Variants in INSR observed in about 807,000 individuals in gnomAD.
INSR encodes IR.
Under a neutral mutation model 142.6 loss-of-function variants are expected in INSR, and 67 were observed. That is an observed-to-expected ratio of 0.47 (90% confidence interval 0.39 to 0.58). The LOEUF (loss-of-function observed/expected upper bound fraction) is 0.58. Among genes scored for constraint, INSR ranks in the 20% least tolerant of loss-of-function variants. The pLI is 0.00. For synonymous variants in INSR, 756 were observed against 743.1 expected (o/e 1.02, Z -0.28); for missense variants, 1,248 against 1,833.2 (o/e 0.68, Z 5.83).
At chr19:7,207,061 T>C (rs1015988468) in intron 2 of INSR, among the ~76,000 whole-genome samples, 1 of 152,158 alleles carries the variant, frequency 6.6e-6, no homozygotes, top group Non-Finnish European at 1.5e-5. Context: ...CCTGTGATTA[T>C]AGAATGCCGA....
chr19:7,226,882 C>T (rs1042273241), intron 2 of INSR, among the ~76,000 whole-genome samples: 21 of 152,162 alleles, frequency 1.4e-4, no homozygotes, highest in Non-Finnish European at 2.4e-4. Context: ...TGCCCTCCTC[C>T]TCCTGCCAAT....
chr19:7,260,833 A>G (rs191721389), intron 2 of INSR, among the ~76,000 whole-genome samples: 43 of 151,780 alleles, frequency 2.8e-4, no homozygotes, highest in South Asian at 6.3e-4. Context: ...TGACCAGTCA[A>G]TGGTAAAACG....
intron 14 of INSR, among the ~76,000 whole-genome samples, chr19:7,129,764 G>T (rs1307189276): frequency 1.3e-5 from 2 of 151,986 alleles, no homozygotes; most frequent in African/African-American, 4.8e-5. Flanking sequence ...TAGAGACAGG[G>T]TCTTACTCTG....
intron 1 of INSR, among the ~76,000 whole-genome samples, chr19:7,280,108 A>G (rs1316004141): frequency 6.6e-6 from 1 of 151,732 alleles, no homozygotes; most frequent in Admixed American, 6.6e-5. Flanking sequence ...TACTAAAAAT[A>G]CAAAAATTAG....
chr19:7,225,703 C>CG lies in INSR; in HGVS notation c.653-41067_653-41066insC, dbSNP rs971525605. Among the ~76,000 whole-genome samples, 2 of 111,210 alleles carry CG rather than the reference C, an allele frequency of 1.8e-5. No individual in the cohort carries two copies. The highest frequency in any genetic ancestry group is 7.8e-5 in the African/African-American group (2 of 25,708). 73.0% of individuals were successfully genotyped at this position (111,210 alleles called of 152,430 possible). ...GATGGGCTCTTGGTTTCCATTTCCC[C>CG]CCCCTCAAAAAAAGAGCAGAGAATA... is the stretch of plus-strand genomic sequence containing the variant. On this transcript the variant is annotated intron_variant, in intron 2 of 21. Transcript: ENST00000302850. This position sits in a 1 kb window ranked among gnomAD's most constrained non-coding sequence, Gnocchi z 4.7.
chr19:7,223,711 G>T (rs894408125), intron 2 of INSR, among the ~76,000 whole-genome samples: 1 of 152,160 alleles, frequency 6.6e-6, no homozygotes, highest in African/African-American at 2.4e-5. Context: ...AAAAGCTAGG[G>T]TTCTGAAGCC....
rs138585749 is a variant in INSR, at chr19:7,126,665, A to G, written c.2946-14T>C. 855 of 1,560,434 alleles carry G rather than the reference A, an allele frequency of 5.5e-4. 4 individuals carry two copies. The African/African-American group carries it at 0.01, about 19-fold the overall frequency. ...CCATCTGGCTGCCTGGAGGAGGAAAACGAGGCACGTTAGCTTGAGATTCTC... is the reference window on the plus strand; with the variant it reads ...CCATCTGGCTGCCTGGAGGAGGAAAGCGAGGCACGTTAGCTTGAGATTCTC... On this transcript the variant is annotated splice_polypyrimidine_tract_variant and intron_variant, in intron 15 of 21. Coordinates refer to ENST00000302850, the MANE Select transcript of INSR (RefSeq NM_000208.4).
chr19:7,285,007 G>A (rs965822371), intron 1 of INSR, among the ~76,000 whole-genome samples: 2 of 152,114 alleles, frequency 1.3e-5, no homozygotes, highest in African/African-American at 4.8e-5. Flanking sequence ...TGAGTGAGTA[G>A]GTGAATTCAA....
intron 2 of INSR, among the ~76,000 whole-genome samples, chr19:7,184,979 T>C (rs1018831052): frequency 1.3e-5 from 2 of 152,174 alleles, no homozygotes; most frequent in Non-Finnish European, 2.9e-5. Context: ...GCCACCAACA[T>C]GAAGTTACTA....
Position 7,192,156 on chromosome 19 carries a change from G to A in INSR, c.653-7519C>T, listed in dbSNP as rs905750731. Reference sequence around the variant, plus strand: ...AAGAAAGATAAGAGAGAGAGAAAGAGAAAGAAAAAGAAAGACAGAGAAAGA... The same window carrying A: ...AAGAAAGATAAGAGAGAGAGAAAGAAAAAGAAAAAGAAAGACAGAGAAAGA... On this transcript the variant is annotated intron_variant, in intron 2 of 21. Coordinates refer to ENST00000302850, the MANE Select transcript of INSR (RefSeq NM_000208.4). The surrounding 1 kb of genome is among the most constrained non-coding windows in gnomAD (Gnocchi z 4.2). 8.0e-6 allele frequency among the ~76,000 whole-genome samples: 1 copy of A among 124,296 alleles called. No individual in the cohort carries two copies. The highest frequency in any genetic ancestry group is 1.7e-5 in the Non-Finnish European group (1 of 59,474). The allele number at this position is 124,296 out of a possible 152,430, so 81.5% of individuals were successfully genotyped here.
chr19:7,182,167 A>G (rs1056243937), intron 3 of INSR, among the ~76,000 whole-genome samples: 1 of 151,876 alleles, frequency 6.6e-6, no homozygotes, highest in South Asian at 2.1e-4. Context: ...CCCGGTCTCT[A>G]CTAAAAATAC....
chr19:7,131,196 C>G (rs1334098502), intron 14 of INSR, among the ~76,000 whole-genome samples: 1 of 150,698 alleles, frequency 6.6e-6, no homozygotes, highest in African/African-American at 2.4e-5. Context: ...TTCTTTATTG[C>G]AGTGTAAGTA....
intron 2 of INSR, among the ~76,000 whole-genome samples, chr19:7,201,401 T>G (rs970389005): frequency 6.6e-6 from 1 of 151,834 alleles, no homozygotes; most frequent in Admixed American, 6.6e-5. Context: ...GAGGCGGGTG[T>G]ATCACCTGAA....
intron 2 of INSR, among the ~76,000 whole-genome samples, chr19:7,229,332 A>ATGGATGGATAGATGGATGGATGGATG (rs1568204425): frequency 1.2e-5 from 1 of 81,902 alleles, no homozygotes; most frequent in African/African-American, 4.4e-5. Flanking sequence ...ATGGATGGAT[A>ATGGATGGATAGATGGATGGATGGATG]GATGGATGGA....
Position 7,112,589 on chromosome 19 carries a change from C to T in INSR, c.*4467G>A, listed in dbSNP as rs915092514. On this transcript the variant is annotated 3_prime_UTR_variant, in exon 22 of 22. Transcript: ENST00000302850. ...TCCTGAATATGTGCATGGGTGCACA[C>T]TTATTTTGAGGCTCTTCCTTCCTTC... is the stretch of plus-strand genomic sequence containing the variant. 1.3e-5 allele frequency: 2 copies of T among 152,174 alleles called. No individual in the cohort carries two copies. The highest frequency in any genetic ancestry group is 4.8e-5 in the African/African-American group (2 of 41,422). 9.4% of individuals were successfully genotyped at this position (152,174 alleles called of 1,614,324 possible). A position where few individuals can be genotyped will look rare whatever the true frequency, so the allele number is the denominator to read the frequency against.
chr19:7,246,037 G>A (rs1976528576), intron 2 of INSR, among the ~76,000 whole-genome samples: 1 of 152,108 alleles, frequency 6.6e-6, no homozygotes, highest in South Asian at 2.1e-4. Context: ...ACACAGTCCT[G>A]ATGTCCAATT....
At chr19:7,158,449 C>T (rs374295224) in intron 9 of INSR, among the ~76,000 whole-genome samples, 4 of 151,946 alleles carry the variant, frequency 2.6e-5, no homozygotes, top group Admixed American at 6.6e-5. Flanking sequence ...TGCAGTGAGC[C>T]GAGATCACGC....
intron 2 of INSR, among the ~76,000 whole-genome samples, chr19:7,254,979 G>C (rs762745957): frequency 1.3e-5 from 2 of 152,084 alleles, no homozygotes; most frequent in Non-Finnish European, 2.9e-5. Flanking sequence ...GGGCCAAAAG[G>C]TCAGTTTCAA....
intron 1 of INSR, among the ~76,000 whole-genome samples, chr19:7,284,298 A>C (rs1449583178): frequency 6.6e-6 from 1 of 151,884 alleles, no homozygotes; most frequent in Non-Finnish European, 1.5e-5. Flanking sequence ...CTCTGGCCTC[A>C]AGTGATCCAC....
Sources: gnomAD v4.1 joint callset for allele counts (sites outside exome capture counted in the v4.1 genomes callset) on GRCh38, gnomAD v4.1.1 for gene constraint, Gnocchi (gnomAD v3.1) non-coding constraint, MANE v1.5 for transcripts, NCBI Gene and HGNC (gene_info 2026-07-23, HGNC 2026-07-21) for gene names.